The following GPC6 variants were observed in gnomAD, a reference collection of about 807,000 sequenced individuals.
GPC6 encodes glypican 6, also known as glypican-6.
In GPC6, 14 loss-of-function variants were observed where a neutral mutation model predicts 55.2. The observed-to-expected ratio is 0.25, with a 90% CI of 0.17 to 0.40. The LOEUF (loss-of-function observed/expected upper bound fraction) is 0.40, where lower values mean the gene tolerates loss of function less well. GPC6 is among the 10% of genes least tolerant of loss of function. The pLI is 1.00. For synonymous variants in GPC6, 278 were observed against 259.6 expected (o/e 1.07, Z -0.68); for missense variants, 641 against 708.5 (o/e 0.90, Z 1.08).
intron 1 of GPC6, among the ~76,000 whole-genome samples, chr13:93,501,460 G>T (rs1039105856): frequency 6.6e-6 from 1 of 152,072 alleles, no homozygotes; most frequent in Non-Finnish European, 1.5e-5. Context: ...AATTTTCTAT[G>T]AAATCTTCCC....
intron 1 of GPC6, among the ~76,000 whole-genome samples, chr13:93,462,604 GA>G (rs3217545): frequency 0.23 from 27,437 of 118,210 alleles, 2,987 homozygotes; most frequent in East Asian, 0.53. Context: ...AAAGTTGGAA[GA>G]AAAAAAAAAT....
intron 3 of GPC6, among the ~76,000 whole-genome samples, chr13:93,889,852 C>T (rs139169587): frequency 2.0e-5 from 3 of 152,150 alleles, no homozygotes; most frequent in African/African-American, 7.2e-5. Context: ...TTGCTTTTAT[C>T]TAAGGGTGAT....
intron 3 of GPC6, among the ~76,000 whole-genome samples, chr13:94,007,399 A>G (rs1882065094): frequency 2.0e-5 from 3 of 152,208 alleles, no homozygotes; most frequent in African/African-American, 7.2e-5. Flanking sequence ...TGCGGGAGAT[A>G]GACAGTGAAC....
At chr13:93,847,817 A>G (rs1888245649) in intron 3 of GPC6, among the ~76,000 whole-genome samples, 1 of 152,172 alleles carries the variant, frequency 6.6e-6, no homozygotes, top group South Asian at 2.1e-4. Context: ...AGTCAGATCA[A>G]CCTGGCAGAA....
intron 3 of GPC6, among the ~76,000 whole-genome samples, chr13:94,024,102 G>GACAC (rs140178004): frequency 0.23 from 32,549 of 144,048 alleles, 3,614 homozygotes; most frequent in South Asian, 0.38. Context: ...ACTGTGTATA[G>GACAC]ACACACACAC....
intron 4 of GPC6, among the ~76,000 whole-genome samples, chr13:94,212,843 C>A (rs1040534007): frequency 1.3e-5 from 2 of 152,146 alleles, no homozygotes; most frequent in Non-Finnish European, 2.9e-5. Flanking sequence ...GGCACAGATA[C>A]GTTAACTATT....
chr13:93,769,223 G>C (rs973520170), intron 2 of GPC6, among the ~76,000 whole-genome samples: 2 of 152,088 alleles, frequency 1.3e-5, no homozygotes, highest in Non-Finnish European at 2.9e-5. Context: ...TGTGAGAACA[G>C]AAGGAAAATT....
chr13:93,788,106 T>C (rs1885871809), intron 2 of GPC6, among the ~76,000 whole-genome samples: 1 of 152,144 alleles, frequency 6.6e-6, no homozygotes, highest in Non-Finnish European at 1.5e-5. Context: ...CACCATAAAC[T>C]AGGTAATTTA....
At chr13:94,161,798 G>A (rs980455646) in intron 4 of GPC6, among the ~76,000 whole-genome samples, 5 of 152,064 alleles carry the variant, frequency 3.3e-5, no homozygotes, top group Non-Finnish European at 5.9e-5. Context: ...GCTGATAAAC[G>A]CATACCTGAG....
intron 4 of GPC6, among the ~76,000 whole-genome samples, chr13:94,072,050 G>A (rs1399671751): frequency 6.6e-6 from 1 of 152,098 alleles, no homozygotes; most frequent in Non-Finnish European, 1.5e-5. Flanking sequence ...GTTTATTTTA[G>A]TCATGCTGTT....
At chr13:93,797,357 C>T (rs1886230422) in intron 2 of GPC6, among the ~76,000 whole-genome samples, 1 of 152,104 alleles carries the variant, frequency 6.6e-6, no homozygotes, top group African/African-American at 2.4e-5. Flanking sequence ...AGGCAAGAAA[C>T]CAACTGAGAA....
chr13:93,857,640 T>C (rs76698371), intron 3 of GPC6, among the ~76,000 whole-genome samples: 2 of 151,612 alleles, frequency 1.3e-5, no homozygotes, highest in Non-Finnish European at 3.0e-5. Context: ...GGGAATATCA[T>C]ATGTTATTTA....
intron 3 of GPC6, among the ~76,000 whole-genome samples, chr13:93,853,838 G>C (rs771277803): frequency 6.6e-6 from 1 of 151,212 alleles, no homozygotes; most frequent in Non-Finnish European, 1.5e-5. Flanking sequence ...TGTCCTCACG[G>C]GAATTAAATA....
At chr13:93,606,623 T>C (rs1157950113) in intron 2 of GPC6, among the ~76,000 whole-genome samples, 1 of 152,178 alleles carries the variant, frequency 6.6e-6, no homozygotes, top group Non-Finnish European at 1.5e-5. Flanking sequence ...CCCTTTGAAG[T>C]TATGAGTTGA....
At chr13:93,979,469 C>T (rs7982617) in intron 3 of GPC6, among the ~76,000 whole-genome samples, 2,171 of 151,088 alleles carry the variant, frequency 0.014, 60 homozygotes, top group African/African-American at 0.05. Flanking sequence ...TAATTCCTGG[C>T]GCACTGTATT....
At chr13:93,325,053 T>C (rs1879607438) in intron 1 of GPC6, among the ~76,000 whole-genome samples, 1 of 152,320 alleles carries the variant, frequency 6.6e-6, no homozygotes, top group South Asian at 2.1e-4. Flanking sequence ...TTTGTAGGCA[T>C]TTCTCTATGT....
Position 93,989,763 on chromosome 13 carries a change from T to G in GPC6, c.712-37966T>G, listed in dbSNP as rs113123734. ...TATTTATAAGGAGGCTTGGTTAAAG[T>G]AGAATCCAAGACTCTGATTTAGTCA... On this transcript the variant is annotated intron_variant, in intron 3 of 8. Transcript: ENST00000377047. Among the ~76,000 whole-genome samples, 982 of 152,192 alleles carry G rather than the reference T, an allele frequency of 6.5e-3. 9 individuals carry two copies. The highest frequency in any genetic ancestry group is 0.022 in the African/African-American group (923 of 41,522).
intron 4 of GPC6, among the ~76,000 whole-genome samples, chr13:94,261,092 G>A (rs1408164481): frequency 6.6e-6 from 1 of 152,066 alleles, no homozygotes; most frequent in Admixed American, 6.6e-5. Context: ...TGGCCTACAT[G>A]GTGAAACCCC....
At chr13:93,939,632 T>G (rs1032353944) in intron 3 of GPC6, among the ~76,000 whole-genome samples, 1 of 152,074 alleles carries the variant, frequency 6.6e-6, no homozygotes, top group South Asian at 2.1e-4. Context: ...AAATTTTTTT[T>G]GAGATGGGGG....
Sources: gnomAD v4.1 joint callset for allele counts (sites outside exome capture counted in the v4.1 genomes callset) on GRCh38, gnomAD v4.1.1 for gene constraint, MANE v1.5 for transcripts, NCBI Gene and HGNC (gene_info 2026-07-23, HGNC 2026-07-21) for gene names.